SLC9B2: variants seen among roughly 807,000 people sequenced by gnomAD.
SLC9B2 encodes solute carrier family 9 member B2.
A neutral mutation model predicts 52.2 loss-of-function variants in SLC9B2; 39 were observed. The observed-to-expected ratio is 0.75, with a 90% CI of 0.58 to 0.98. The LOEUF is 0.98. SLC9B2 is among the 50% of genes least tolerant of loss of function. The pLI, the probability that SLC9B2 is intolerant of heterozygous loss-of-function variation, is 0.00. For missense variants in SLC9B2, 626 were observed against 637.5 expected, an observed-to-expected ratio of 0.98 and a Z score of 0.19; for synonymous variants, 214 against 227.0, an observed-to-expected ratio of 0.94 and a Z score of 0.51.
chr4:103,035,994 C>T lies in SLC9B2; in HGVS notation c.1147-4186G>A, dbSNP rs190538763. The stretch of plus-strand genomic sequence containing the variant: ...TCTCACTACTTGAATTCAAACTATA[C>T]TACAAGGCTACAGTAACTAAAACAG... On this transcript the variant is annotated intron_variant, in intron 9 of 11. Coordinates refer to ENST00000394785, the MANE Select transcript of SLC9B2 (RefSeq NM_178833.7). Among the ~76,000 whole-genome samples the T allele has an allele frequency of 1.9e-3, 295 of 152,202 alleles. 4 individuals are homozygous for T. The highest frequency in any genetic ancestry group is 0.014 in the Middle Eastern group (4 of 294).
In SLC9B2 at chr4:103,057,901, G is replaced by T. The variant is rs114897256; in HGVS notation, c.342C>A (p.Asn114Lys). ...ITGSECLPGG[N>K]LFGIIILFYC... Reference sequence around the variant, plus strand: ...AGAATAGGATTATAATTCCAAATAGGTTTCCTCCAGGAAGACATTCACTGC... The same window carrying T: ...AGAATAGGATTATAATTCCAAATAGTTTTCCTCCAGGAAGACATTCACTGC... The change falls in exon 4 of 12, where the codon AAC (asparagine) becomes AAA (lysine). Residue 114 changes from asparagine to lysine, a missense_variant. Transcript: ENST00000394785. The T allele has an allele frequency of 6.2e-7, 1 of 1,613,726 alleles. No homozygotes were observed. Among genetic ancestry groups the T allele is most frequent in the African/African-American group, 1.3e-5 (1 of 74,880 alleles).
chr4:103,037,071 T>G (rs1442548926), intron 9 of SLC9B2, among the ~76,000 whole-genome samples: 4 of 151,806 alleles, frequency 2.6e-5, no homozygotes, highest in African/African-American at 9.7e-5. Context: ...TTAGGTGAAC[T>G]GATGTGTCTA....
chr4:103,072,056 G>GTTTTTTTTTTTGTTTTTTTTTT (rs1746690609), intron 1 of SLC9B2, among the ~76,000 whole-genome samples: 1 of 95,306 alleles, frequency 1.0e-5, no homozygotes, highest in African/African-American at 4.6e-5. Flanking sequence ...TGGCTTTCAT[G>GTTTTTTTTTTTGTTTTTTTTTT]TTTTTTTTTT....
At chr4:103,057,715 T>G in intron 4 of SLC9B2, 86 bp downstream of exon 4, 2 of 1,422,318 alleles carry the variant, frequency 1.4e-6, no homozygotes, top group East Asian at 4.9e-5. Flanking sequence ...AGAAATATTT[T>G]ATTCCTTTAT....
chr4:103,038,672 G>A (rs1051118746), intron 9 of SLC9B2, among the ~76,000 whole-genome samples: 2 of 152,268 alleles, frequency 1.3e-5, no homozygotes, highest in African/African-American at 4.8e-5. Context: ...CAACAAAGGA[G>A]AAAGTTAAGA....
intron 9 of SLC9B2, among the ~76,000 whole-genome samples, chr4:103,039,897 C>G (rs1743493080): frequency 1.3e-5 from 2 of 152,178 alleles, no homozygotes; most frequent in South Asian, 4.2e-4. Flanking sequence ...CCGCCCACTT[C>G]GTTCTCCCAA....
chr4:103,030,478 T>C (rs1347279240), intron 10 of SLC9B2, among the ~76,000 whole-genome samples: 1 of 151,846 alleles, frequency 6.6e-6, no homozygotes, highest in Non-Finnish European at 1.5e-5. Flanking sequence ...TGGCAGGTTG[T>C]GTGAGAGGTT....
downstream of SLC9B2, chr4:103,020,177 G>A (rs375952377): frequency 1.3e-5 from 4 of 304,362 alleles, no homozygotes; most frequent in African/African-American, 9.0e-5. Flanking sequence ...AATGAGACAT[G>A]GCAAGTGTCT....
At chr4:103,059,058 C>T (rs776187672) in intron 3 of SLC9B2, among the ~76,000 whole-genome samples, 1 of 151,728 alleles carries the variant, frequency 6.6e-6, no homozygotes, top group Non-Finnish European at 1.5e-5. Context: ...CACAGCGATA[C>T]CCTGCCAAAA....
intron 10 of SLC9B2, among the ~76,000 whole-genome samples, chr4:103,031,414 T>A (rs1742690272): frequency 6.6e-6 from 1 of 152,148 alleles, no homozygotes; most frequent in Non-Finnish European, 1.5e-5. Context: ...AAAAGAATTG[T>A]TAAGGCCTGA....
chr4:103,045,200 T>A (rs549757412), intron 7 of SLC9B2, among the ~76,000 whole-genome samples: 15 of 152,266 alleles, frequency 9.9e-5, no homozygotes, highest in South Asian at 2.1e-4. Context: ...TTAAAAAAAA[T>A]TTTTTGTTAG....
chr4:103,019,216 G>A (rs768945942), downstream of SLC9B2, among the ~76,000 whole-genome samples: 26 of 152,214 alleles, frequency 1.7e-4, no homozygotes, highest in Non-Finnish European at 5.9e-5. Context: ...ATCTCCAGTC[G>A]CAGGAGCATG....
rs1401048387 is a variant in SLC9B2, at chr4:103,076,423, A to C, written c.-282T>G. ...GGGCGACACCGCGCAGGGAGGTCCG[A>C]CCCGTCGGCGCCGGTACAGGCTCCG... On this transcript the variant is annotated 5_prime_UTR_variant, in exon 1 of 12. Transcript: ENST00000394785. The C allele has an allele frequency of 6.6e-6, 1 of 152,228 alleles. No individual in the cohort carries two copies. The highest frequency in any genetic ancestry group is 1.5e-5 in the Non-Finnish European group (1 of 68,060). 9.4% of individuals were successfully genotyped at this position (152,228 alleles called of 1,614,324 possible).
chr4:103,053,988 T>C (rs770785354), intron 4 of SLC9B2, among the ~76,000 whole-genome samples: 2 of 152,080 alleles, frequency 1.3e-5, no homozygotes, highest in Non-Finnish European at 2.9e-5. Context: ...TAAAGACAGG[T>C]GATTCCTGGC....
Position 103,026,341 on chromosome 4 carries a change from A to G in SLC9B2, c.*29T>C. On this transcript the variant is annotated 3_prime_UTR_variant, in exon 12 of 12. Coordinates refer to ENST00000394785, the MANE Select transcript of SLC9B2 (RefSeq NM_178833.7). ...TGAAAAAAGTAGCAGCTTTCTAAACATTATGTTCAGCACTCTCTCTTTTCA... is the reference window on the plus strand; with the variant it reads ...TGAAAAAAGTAGCAGCTTTCTAAACGTTATGTTCAGCACTCTCTCTTTTCA... 1 of 1,548,804 alleles carries G rather than the reference A, an allele frequency of 6.5e-7. No homozygotes were observed. Among genetic ancestry groups the G allele is most frequent in the Non-Finnish European group, 8.7e-7 (1 of 1,143,600 alleles).
In SLC9B2 at chr4:103,024,420, C is replaced by T. The variant is rs1468862670; in HGVS notation, c.*1950G>A. 6.6e-6 allele frequency among the ~76,000 whole-genome samples: 1 copy of T among 152,134 alleles called. No individual in the cohort carries two copies. The highest frequency in any genetic ancestry group is 1.5e-5 in the Non-Finnish European group (1 of 68,016). On this transcript the variant is annotated 3_prime_UTR_variant, in exon 12 of 12. Transcript: ENST00000394785. ...CAAGAGCATAAACATTAAAGGAATA[C>T]AGCACCATAGGGTAACCAAAGCAAA...
intron 1 of SLC9B2, among the ~76,000 whole-genome samples, chr4:103,067,883 A>T (rs541174092): frequency 6.6e-6 from 1 of 152,324 alleles, no homozygotes; most frequent in South Asian, 2.1e-4. Flanking sequence ...AATCCAAGCA[A>T]TATCAGTGTT....
chr4:103,029,050 A>G (rs1275679278), intron 10 of SLC9B2, among the ~76,000 whole-genome samples, 167 bp from the exon 11 acceptor site: 1 of 152,200 alleles, frequency 6.6e-6, no homozygotes, highest in Admixed American at 6.6e-5. Flanking sequence ...AATATTAAGG[A>G]TCAATCAGGC....
In SLC9B2 at chr4:103,026,604, AAG is replaced by A; in HGVS notation, c.1393-15_1393-14del. 1 of 1,597,036 alleles carries A rather than the reference AAG, an allele frequency of 6.3e-7. No homozygotes were observed. ...ATCCTATTGCAGCCTATAAAAGTTT[AAG>A]GGTAAAAATGGAATCATGATAAGAT... On this transcript the variant is annotated splice_polypyrimidine_tract_variant and intron_variant, in intron 11 of 11. Coordinates refer to ENST00000394785, the MANE Select transcript of SLC9B2 (RefSeq NM_178833.7).
Sources: allele counts gnomAD v4.1 joint callset (sites outside exome capture counted in the v4.1 genomes callset), GRCh38; gene constraint gnomAD v4.1.1; transcripts MANE v1.5; gene names NCBI Gene and HGNC (gene_info 2026-07-23, HGNC 2026-07-21).